TBC1D22A: variants seen among roughly 807,000 people sequenced by gnomAD.
TBC1D22A encodes TBC1 domain family member 22A.
TBC1D22A carries 38 observed loss-of-function variants against 60.2 expected under a neutral mutation model. The observed-to-expected ratio is 0.63, with a 90% CI of 0.49 to 0.83. TBC1D22A has a LOEUF of 0.83. Ranked by LOEUF, TBC1D22A falls within the 40% of genes least tolerant of loss-of-function variation. The probability of loss-of-function intolerance (pLI) is 0.00; values close to 1 mark genes in which losing one functional copy is unlikely to be tolerated. For missense variants in TBC1D22A, 628 were observed against 701.0 expected, an observed-to-expected ratio of 0.90 and a Z score of 1.18; for synonymous variants, 302 against 281.7, an observed-to-expected ratio of 1.07 and a Z score of -0.72.
intron 1 of TBC1D22A, among the ~76,000 whole-genome samples, chr22:46,787,481 C>G (rs1268339511): frequency 6.6e-6 from 1 of 152,142 alleles, no homozygotes; most frequent in Admixed American, 6.5e-5. Context: ...TGTAACATTT[C>G]TTTTGAAAAG....
intron 10 of TBC1D22A, among the ~76,000 whole-genome samples, chr22:47,030,978 C>A (rs1440278082): frequency 6.6e-6 from 1 of 152,204 alleles, no homozygotes; most frequent in Non-Finnish European, 1.5e-5. Context: ...GCCACGGAGT[C>A]GTGCTAAGTG....
At chr22:47,084,364 G>A (rs992245888) in intron 11 of TBC1D22A, among the ~76,000 whole-genome samples, 3 of 152,186 alleles carry the variant, frequency 2.0e-5, no homozygotes, top group South Asian at 2.1e-4. Context: ...GGCAGCTTCC[G>A]CATCAGCAGG....
chr22:46,791,074 A>G (rs2084384659), intron 1 of TBC1D22A, among the ~76,000 whole-genome samples: 1 of 152,052 alleles, frequency 6.6e-6, no homozygotes, highest in South Asian at 2.1e-4. Context: ...TTTTTGAGAC[A>G]GGGTCTCACT....
chr22:46,770,944 T>A (rs1417171984), intron 1 of TBC1D22A, among the ~76,000 whole-genome samples: 2 of 152,206 alleles, frequency 1.3e-5, no homozygotes, highest in East Asian at 1.9e-4. Context: ...GACCTTCCTG[T>A]GACGGGGGCC....
At chr22:46,994,934 AT>A (rs1282417091) in intron 9 of TBC1D22A, among the ~76,000 whole-genome samples, 2 of 152,182 alleles carry the variant, frequency 1.3e-5, no homozygotes, top group African/African-American at 4.8e-5. Context: ...TGGAGCCAAA[AT>A]TTCTTACTCC....
intron 1 of TBC1D22A, among the ~76,000 whole-genome samples, chr22:46,772,064 T>C (rs1223224419): frequency 7.1e-6 from 1 of 141,230 alleles, no homozygotes; most frequent in African/African-American, 2.7e-5. Flanking sequence ...TACATATATA[T>C]GTATACACAC....
intron 12 of TBC1D22A, among the ~76,000 whole-genome samples, chr22:47,137,455 G>A (rs994946347): frequency 1.3e-5 from 2 of 152,130 alleles, no homozygotes; most frequent in Non-Finnish European, 2.9e-5. Flanking sequence ...GCGAGGAGCC[G>A]AGGACATCCT....
intron 12 of TBC1D22A, among the ~76,000 whole-genome samples, chr22:47,147,802 G>A (rs576401343): frequency 6.6e-6 from 1 of 152,352 alleles, no homozygotes; most frequent in South Asian, 2.1e-4. Flanking sequence ...GTGCCCAGTG[G>A]CCAGGAGGGA....
chr22:46,956,752 G>A (rs963783165), intron 8 of TBC1D22A, among the ~76,000 whole-genome samples: 2 of 152,254 alleles, frequency 1.3e-5, no homozygotes, highest in Non-Finnish European at 2.9e-5. Flanking sequence ...ACTGTGAGAT[G>A]GCCGAGGGGT....
intron 8 of TBC1D22A, among the ~76,000 whole-genome samples, chr22:46,955,066 G>T (rs1023248827): frequency 3.3e-5 from 5 of 152,138 alleles, no homozygotes; most frequent in African/African-American, 1.2e-4. Context: ...TTCTGGAAGC[G>T]TATTTCGTGA....
intron 4 of TBC1D22A, among the ~76,000 whole-genome samples, chr22:46,827,896 G>A (rs566251161): frequency 2.0e-5 from 3 of 152,230 alleles, no homozygotes; most frequent in Non-Finnish European, 4.4e-5. Flanking sequence ...CGTTAAGGCC[G>A]CTCTGCAGCT....
intron 8 of TBC1D22A, among the ~76,000 whole-genome samples, chr22:46,934,722 CCT>C (rs1415521550): frequency 1.3e-5 from 2 of 152,224 alleles, no homozygotes; most frequent in Non-Finnish European, 2.9e-5. Context: ...AAGTCTGTCT[CCT>C]CTCTGGTTCA....
At chr22:46,811,308 G>A (rs970520171) in intron 4 of TBC1D22A, among the ~76,000 whole-genome samples, 3 of 152,234 alleles carry the variant, frequency 2.0e-5, no homozygotes, top group East Asian at 1.9e-4. Context: ...TGACAAGAAA[G>A]CAAGGTTCCC....
chr22:46,985,473 A>G, intron 9 of TBC1D22A, among the ~76,000 whole-genome samples: 1 of 152,370 alleles, frequency 6.6e-6, no homozygotes, highest in East Asian at 1.9e-4. Context: ...GGGCTCTGAC[A>G]GAAGGTTCAT....
intron 11 of TBC1D22A, among the ~76,000 whole-genome samples, chr22:47,048,771 G>A (rs1056616195): frequency 1.3e-5 from 2 of 152,202 alleles, no homozygotes; most frequent in African/African-American, 4.8e-5. Flanking sequence ...CAGCTCTGGG[G>A]GGAGGTGGGG....
At chr22:47,122,139 ACTGGGGATGAGGAG>A (rs1230039961) in intron 12 of TBC1D22A, among the ~76,000 whole-genome samples, 2 of 152,302 alleles carry the variant, frequency 1.3e-5, no homozygotes, top group South Asian at 2.1e-4. Context: ...CATGAGGGGC[ACTGGGGATGAGGAG>A]CTGGGGATGA....
intron 12 of TBC1D22A, among the ~76,000 whole-genome samples, chr22:47,127,031 C>T (rs138146146): frequency 4.6e-5 from 7 of 152,268 alleles, no homozygotes; most frequent in East Asian, 3.9e-4. Context: ...CACACGTGTG[C>T]GTGCACACCC....
chr22:46,904,147 C>CTACCTACA (rs2069260208), intron 7 of TBC1D22A, among the ~76,000 whole-genome samples: 2 of 90,742 alleles, frequency 2.2e-5, no homozygotes. Flanking sequence ...ATCTATCTAC[C>CTACCTACA]TACCTACCTA....
chr22:46,858,965 T>G (rs2087722899), intron 4 of TBC1D22A, among the ~76,000 whole-genome samples: 1 of 149,376 alleles, frequency 6.7e-6, no homozygotes, highest in African/African-American at 2.4e-5. Flanking sequence ...CAGAATCCTT[T>G]TCGATAGAGG....
Sources: gnomAD v4.1 joint callset for allele counts (sites outside exome capture counted in the v4.1 genomes callset) on GRCh38, gnomAD v4.1.1 for gene constraint, MANE v1.5 for transcripts, NCBI Gene and HGNC (gene_info 2026-07-23, HGNC 2026-07-21) for gene names.